Variants in NSMAF observed in about 807,000 individuals in gnomAD.
NSMAF encodes the protein neutral sphingomyelinase activation associated factor, also known as protein FAN.
NSMAF carries 90 observed loss-of-function variants against 134.9 expected under a neutral mutation model. That is an observed-to-expected ratio of 0.67 (90% confidence interval 0.56 to 0.79). The LOEUF (loss-of-function observed/expected upper bound fraction) is 0.79, where lower values mean the gene tolerates loss of function less well. Ranked by LOEUF, NSMAF falls within the 30% of genes least tolerant of loss-of-function variation. The pLI is 0.00. For synonymous variants in NSMAF, 358 were observed against 389.6 expected, an observed-to-expected ratio of 0.92 and a Z score of 0.96; for missense variants, 1,010 against 1,119.0, an observed-to-expected ratio of 0.90 and a Z score of 1.39.
chr8:58,622,576 G>A (rs548353267), intron 9 of NSMAF, among the ~76,000 whole-genome samples: 6 of 152,164 alleles, frequency 3.9e-5, no homozygotes, highest in Admixed American at 1.3e-4. Context: ...TATATTTTTA[G>A]TAGAAACAGG....
In NSMAF at chr8:58,588,465, T is replaced by A. The variant is rs957220106; in HGVS notation, c.2212-764A>T. On this transcript the variant is annotated intron_variant, in intron 26 of 30. Transcript: ENST00000038176. ...GTGGGGCAGCACCCGCAGGTCTAAATTGGGGTGGGGGTGTTCGGTCCTTGC... is the reference window on the plus strand; with the variant it reads ...GTGGGGCAGCACCCGCAGGTCTAAAATGGGGTGGGGGTGTTCGGTCCTTGC... 221 of 1,221,196 alleles carry A rather than the reference T, an allele frequency of 1.8e-4. 2 individuals are homozygous for A. The highest frequency in any genetic ancestry group is 1.8e-4 in the Non-Finnish European group (149 of 836,972). 75.6% of individuals were successfully genotyped at this position (1,221,196 alleles called of 1,614,324 possible). A position where few individuals can be genotyped will look rare whatever the true frequency, so the allele number is the denominator to read the frequency against.
rs1784577022 is a variant in NSMAF at position 58,585,752 on chromosome 8, G to A, written c.2559C>T (p.Val853=). 9 of 1,613,942 alleles carry A rather than the reference G, an allele frequency of 5.6e-6. No individual in the cohort carries two copies. The highest frequency in any genetic ancestry group is 7.6e-6 in the Non-Finnish European group (9 of 1,179,854). Residue 853 remains valine, a synonymous_variant, in exon 30 of 31, where the codon GTC becomes GTT. Transcript: ENST00000038176. ...MTSDEPQRCF[V]WDGNSVLSGS... ...CAGATAAAACGGAATTTCCATCCCA[G>A]ACAAAGCACCTGCAAGAATGATTTA...
chr8:58,603,263 G>A lies in NSMAF; in HGVS notation c.992C>T (p.Ser331Phe). ...TATCCATGGAAACACAGGGTACTGG[G>A]AGAGGTCGTTGCAGCTGCGGTCGGC... The part of the protein sequence containing the change: ...NLADRSCNDL[S>F]QYPVFPWIIH... Residue 331 changes from serine (S) to phenylalanine (F), a missense_variant, in exon 13 of 31, where the codon TCC becomes TTC. Physicochemically the swap from Ser to Phe is radical, Grantham distance 155 (BLOSUM62 -2). Transcript: ENST00000038176. 6.2e-7 allele frequency: 1 copy of A among 1,614,212 alleles called. No individual in the cohort carries two copies. The highest frequency in any genetic ancestry group is 1.1e-5 in the South Asian group (1 of 91,086).
At chr8:58,626,494 T>C (rs1402481720) in intron 6 of NSMAF, among the ~76,000 whole-genome samples, 1 of 152,236 alleles carries the variant, frequency 6.6e-6, no homozygotes, top group Non-Finnish European at 1.5e-5. Context: ...GTTATTTAAC[T>C]TAGAGTAATG....
rs765204584 is a variant in NSMAF at position 58,607,723 on chromosome 8, T to A, written c.759+46A>T. The A allele has an allele frequency of 2.7e-5, 39 of 1,461,724 alleles. No individual in the cohort carries two copies. In the South Asian group the frequency reaches 4.0e-4, roughly 15 times the overall value. 90.5% of individuals were successfully genotyped at this position (1,461,724 alleles called of 1,614,324 possible). A position where few individuals can be genotyped will look rare whatever the true frequency, so the allele number is the denominator to read the frequency against. ...ACCGTCAATAAACTGCTGGCTAAAC[T>A]GAAAGTGTGACAATCATGCCCCAGC... On this transcript the variant is annotated intron_variant, in intron 11 of 30. Coordinates refer to ENST00000038176, the MANE Select transcript of NSMAF (RefSeq NM_003580.4).
intron 11 of NSMAF, 136 bp from the exon 12 acceptor site, chr8:58,606,171 C>A: frequency 1.4e-6 from 1 of 734,656 alleles, no homozygotes; most frequent in Non-Finnish European, 2.1e-6. Context: ...TATTTTCAAT[C>A]TATAAATTTA....
At chr8:58,618,983 A>G (rs1382144271) in intron 9 of NSMAF, among the ~76,000 whole-genome samples, 1 of 152,134 alleles carries the variant, frequency 6.6e-6, no homozygotes, top group Non-Finnish European at 1.5e-5. Flanking sequence ...ACAGTGAACT[A>G]TTTTTTAAAT....
intron 1 of NSMAF, among the ~76,000 whole-genome samples, chr8:58,648,267 G>A (rs1807506869): frequency 6.6e-6 from 1 of 152,188 alleles, no homozygotes; most frequent in Non-Finnish European, 1.5e-5. Context: ...TTCAGAACTG[G>A]TCTGGCTGCT....
intron 14 of NSMAF, 40 bp from the exon 15 acceptor site, chr8:58,601,575 G>A: frequency 1.3e-6 from 2 of 1,558,312 alleles, no homozygotes; most frequent in African/African-American, 1.4e-5. Flanking sequence ...GCTAAGTGTT[G>A]GCTATGAAAT....
At chr8:58,587,825 G>A in intron 26 of NSMAF, 124 bp from the exon 27 acceptor site, 1 of 769,076 alleles carries the variant, frequency 1.3e-6, no homozygotes, top group Non-Finnish European at 2.2e-6. Flanking sequence ...AAGTTAAGCT[G>A]CACAGTGCTC....
At chr8:58,633,504 C>A (rs1183438788) in intron 5 of NSMAF, among the ~76,000 whole-genome samples, 1 of 152,210 alleles carries the variant, frequency 6.6e-6, no homozygotes, top group Non-Finnish European at 1.5e-5. Context: ...TTCTTCATAG[C>A]ATTTGTTACC....
chr8:58,617,614 C>T (rs1332969579), intron 9 of NSMAF, among the ~76,000 whole-genome samples: 2 of 152,166 alleles, frequency 1.3e-5, no homozygotes, highest in Admixed American at 1.3e-4. Flanking sequence ...CAACAAGATA[C>T]CATCTCATGC....
chr8:58,631,461 T>C (rs1325011047), intron 6 of NSMAF, 35 bp downstream of exon 6: 2 of 1,299,904 alleles, frequency 1.5e-6, no homozygotes, highest in East Asian at 2.5e-5. Context: ...AATGACTATA[T>C]AAATTGCTGG....
At chr8:58,593,300 T>G (rs1040913368) in intron 23 of NSMAF, among the ~76,000 whole-genome samples, 22 of 152,242 alleles carry the variant, frequency 1.4e-4, no homozygotes, top group African/African-American at 5.1e-4. Context: ...TGGAAAATTT[T>G]TTTATATACA....
Position 58,603,816 on chromosome 8 carries a change from T to C in NSMAF, c.869-430A>G, listed in dbSNP as rs571542173. 3.3e-5 allele frequency among the ~76,000 whole-genome samples: 5 copies of C among 152,352 alleles called. No individual in the cohort carries two copies. The East Asian group carries it at 9.6e-4, about 29-fold the overall frequency. ...TTAAAGCAATCTTTTAGTTTTCTTT[T>C]AGGCTTGGAAGAGATGTACTACTGC... On this transcript the variant is annotated intron_variant, in intron 12 of 30. Coordinates refer to ENST00000038176, the MANE Select transcript of NSMAF (RefSeq NM_003580.4).
intron 1 of NSMAF, among the ~76,000 whole-genome samples, chr8:58,645,996 G>A (rs780848352): frequency 2.0e-5 from 3 of 152,132 alleles, no homozygotes; most frequent in African/African-American, 7.2e-5. Context: ...AGCCAAGATC[G>A]CGCCACTGCA....
intron 9 of NSMAF, among the ~76,000 whole-genome samples, chr8:58,620,470 G>C (rs1806761900): frequency 6.6e-6 from 1 of 152,114 alleles, no homozygotes; most frequent in Admixed American, 6.5e-5. Flanking sequence ...AGGTGTTTAG[G>C]CTTTATCCTG....
chr8:58,599,855 A>C lies in NSMAF; in HGVS notation c.1348T>G (p.Tyr450Asp). The change falls in exon 18 of 31, where the codon TAT (tyrosine) becomes GAT (aspartate). Residue 450 changes from tyrosine (Y) to aspartate (D), a missense_variant. Tyr to Asp is a radical substitution (Grantham distance 160). Coordinates refer to ENST00000038176, the MANE Select transcript of NSMAF (RefSeq NM_003580.4). ...ACTAGAAAGCTCACATCATCACCAT[A>C]GAATTCTGGAATTAACTGAAAGTTT... ...TDFKELIPEF[Y>D]GDDVSFLVNS... 25 of 1,613,920 alleles carry C rather than the reference A, an allele frequency of 1.5e-5. No individual in the cohort carries two copies. Among genetic ancestry groups the C allele is most frequent in the Non-Finnish European group, 2.0e-5 (24 of 1,179,960 alleles).
intron 9 of NSMAF, among the ~76,000 whole-genome samples, chr8:58,618,076 C>T (rs912479501): frequency 6.6e-6 from 1 of 152,176 alleles, no homozygotes; most frequent in African/African-American, 2.4e-5. Flanking sequence ...AAGCCAAACA[C>T]CACATGTCCT....
Sources: allele counts gnomAD v4.1 joint callset (sites outside exome capture counted in the v4.1 genomes callset), GRCh38; gene constraint gnomAD v4.1.1; transcripts MANE v1.5; gene names NCBI Gene and HGNC (gene_info 2026-07-23, HGNC 2026-07-21).